ST6GALNAC3: variants seen among roughly 807,000 people sequenced by gnomAD.
ST6GALNAC3 encodes the protein alpha-N-acetylgalactosaminide alpha-2,6-sialyltransferase 3.
Under a neutral mutation model 32.7 loss-of-function variants are expected in ST6GALNAC3, and 25 were observed. The observed-to-expected ratio is 0.76, with a 90% CI of 0.56 to 1.07. The LOEUF (loss-of-function observed/expected upper bound fraction) is 1.07. Among genes scored for constraint, ST6GALNAC3 ranks in the 50% least tolerant of loss-of-function variants. ST6GALNAC3 has a pLI of 0.00. For synonymous variants in ST6GALNAC3, 129 were observed against 133.1 expected (o/e 0.97, Z 0.21); for missense variants, 355 against 382.4 (o/e 0.93, Z 0.60).
chr1:76,526,676 ACTTT>A (rs935400858), intron 3 of ST6GALNAC3, among the ~76,000 whole-genome samples: 36 of 152,232 alleles, frequency 2.4e-4, no homozygotes, highest in Middle Eastern at 3.4e-3. Flanking sequence ...ACTTTCAGCT[ACTTT>A]CTTTCTTTCT....
At chr1:76,344,804 G>T (rs1447904728) in intron 2 of ST6GALNAC3, among the ~76,000 whole-genome samples, 2 of 152,168 alleles carry the variant, frequency 1.3e-5, no homozygotes, top group Non-Finnish European at 2.9e-5. Context: ...GTACTTCCCT[G>T]TCTCTTTTTT....
At chr1:76,277,780 G>T (rs990466724) in intron 1 of ST6GALNAC3, among the ~76,000 whole-genome samples, 2 of 151,802 alleles carry the variant, frequency 1.3e-5, no homozygotes, top group Non-Finnish European at 2.9e-5. Flanking sequence ...ATCTGTAATG[G>T]TATCTCTGTC....
chr1:76,359,648 T>G (rs538966334), intron 2 of ST6GALNAC3, among the ~76,000 whole-genome samples: 1 of 152,290 alleles, frequency 6.6e-6, no homozygotes, highest in African/African-American at 2.4e-5. Context: ...TTTCTAATAC[T>G]TTGTTACAGC....
At chr1:76,335,038 TA>T (rs1428705381) in intron 2 of ST6GALNAC3, among the ~76,000 whole-genome samples, 2 of 152,204 alleles carry the variant, frequency 1.3e-5, no homozygotes, top group Non-Finnish European at 2.9e-5. Flanking sequence ...ATATATACTT[TA>T]AAAAGATGAA....
intron 1 of ST6GALNAC3, among the ~76,000 whole-genome samples, chr1:76,250,876 C>T (rs12057631): frequency 0.07 from 10,725 of 152,218 alleles, 964 homozygotes; most frequent in African/African-American, 0.21. Context: ...CATATTCTGA[C>T]TTCAGTCAAC....
chr1:76,423,515 CA>C (rs1161018887), intron 3 of ST6GALNAC3, among the ~76,000 whole-genome samples: 1 of 151,894 alleles, frequency 6.6e-6, no homozygotes, highest in Non-Finnish European at 1.5e-5. Context: ...GCTCTACTGG[CA>C]AAATGGATAG....
intron 1 of ST6GALNAC3, among the ~76,000 whole-genome samples, chr1:76,163,917 T>C (rs1651963402): frequency 6.6e-6 from 1 of 152,158 alleles, no homozygotes; most frequent in Non-Finnish European, 1.5e-5. Context: ...ATGCCAGAAC[T>C]CAAAAGCCAC....
chr1:76,389,223 G>A (rs1274180244), intron 2 of ST6GALNAC3, among the ~76,000 whole-genome samples: 1 of 152,020 alleles, frequency 6.6e-6, no homozygotes, highest in African/African-American at 2.4e-5. Flanking sequence ...ATGGGAGGAT[G>A]AGCAGAAGAC....
At chr1:76,112,667 GGTT>G (rs1648123496) in intron 1 of ST6GALNAC3, among the ~76,000 whole-genome samples, 1 of 149,302 alleles carries the variant, frequency 6.7e-6, no homozygotes, top group African/African-American at 2.5e-5. Context: ...CAGATGGGGC[GGTT>G]GCCAGGCAGA....
intron 3 of ST6GALNAC3, among the ~76,000 whole-genome samples, chr1:76,417,153 G>A (rs1222532750): frequency 2.0e-5 from 3 of 151,724 alleles, no homozygotes; most frequent in African/African-American, 7.3e-5. Flanking sequence ...GGCTAAGAGA[G>A]CAGATAGAGT....
chr1:76,529,514 A>G (rs760220508), intron 3 of ST6GALNAC3, among the ~76,000 whole-genome samples: 8 of 152,160 alleles, frequency 5.3e-5, no homozygotes, highest in Non-Finnish European at 1.2e-4. Context: ...GTACATATTA[A>G]TTTTCAACAG....
chr1:76,331,728 AG>A (rs1215983254), intron 2 of ST6GALNAC3, among the ~76,000 whole-genome samples: 1 of 152,202 alleles, frequency 6.6e-6, no homozygotes, highest in East Asian at 1.9e-4. Context: ...ATGTCTCAGG[AG>A]GGCAGGTCTT....
chr1:76,597,009 A>C (rs1161483084), intron 3 of ST6GALNAC3, among the ~76,000 whole-genome samples: 2 of 152,138 alleles, frequency 1.3e-5, no homozygotes, highest in Non-Finnish European at 2.9e-5. Context: ...AGCATAAAAG[A>C]TTTCTGGGGA....
chr1:76,497,753 G>A (rs116172763), intron 3 of ST6GALNAC3, among the ~76,000 whole-genome samples: 5,195 of 152,230 alleles, frequency 0.034, 304 homozygotes, highest in African/African-American at 0.12. Flanking sequence ...TAAATTTAAA[G>A]CCACTATCAT....
chr1:76,309,055 C>T (rs529655479), intron 1 of ST6GALNAC3, among the ~76,000 whole-genome samples: 16 of 152,266 alleles, frequency 1.1e-4, no homozygotes, highest in African/African-American at 3.4e-4. Flanking sequence ...GAGGCCGCCG[C>T]GGTCCTCAGG....
At chr1:76,468,516 C>T (rs1336459204) in intron 3 of ST6GALNAC3, among the ~76,000 whole-genome samples, 2 of 152,048 alleles carry the variant, frequency 1.3e-5, no homozygotes, top group Non-Finnish European at 2.9e-5. Context: ...CTTCTCATCA[C>T]TAAATATGGC....
At chr1:76,128,318 C>T (rs183988364) in intron 1 of ST6GALNAC3, among the ~76,000 whole-genome samples, 3 of 152,344 alleles carry the variant, frequency 2.0e-5, no homozygotes, top group Non-Finnish European at 2.9e-5. Flanking sequence ...TGCTCTACTG[C>T]AGGAGAACAC....
At chr1:76,488,014 A>G (rs1660240155) in intron 3 of ST6GALNAC3, among the ~76,000 whole-genome samples, 1 of 152,152 alleles carries the variant, frequency 6.6e-6, no homozygotes, top group South Asian at 2.1e-4. Flanking sequence ...TTGCCTGGGT[A>G]TCAGCAGCGG....
At chr1:76,529,556 A>T (rs1663123610) in intron 3 of ST6GALNAC3, among the ~76,000 whole-genome samples, 1 of 150,054 alleles carries the variant, frequency 6.7e-6, no homozygotes, top group South Asian at 2.1e-4. Flanking sequence ...CATACACTCA[A>T]ATAAAAGTTT....
Sources: allele counts gnomAD v4.1 joint callset (sites outside exome capture counted in the v4.1 genomes callset), GRCh38; gene constraint gnomAD v4.1.1; transcripts MANE v1.5; gene names NCBI Gene and HGNC (gene_info 2026-07-23, HGNC 2026-07-21).